FGF14: variants seen among roughly 807,000 people sequenced by gnomAD.
The protein encoded by FGF14 is fibroblast growth factor homologous factor 4.
FGF14 carries 5 observed loss-of-function variants against 25.5 expected under a neutral mutation model. The ratio of observed to expected loss-of-function variants is 0.20; its 90% CI spans 0.10 to 0.41. FGF14 has a LOEUF of 0.41. FGF14 is among the 10% of genes least tolerant of loss of function. FGF14 has a pLI of 1.00. For missense variants in FGF14, 222 were observed against 320.1 expected (o/e 0.69, Z 2.34); for synonymous variants, 138 against 118.3 (o/e 1.17, Z -1.08).
chr13:101,788,546 T>C (rs1478017278), intron 3 of FGF14, among the ~76,000 whole-genome samples: 1 of 152,112 alleles, frequency 6.6e-6, no homozygotes, highest in East Asian at 1.9e-4. Flanking sequence ...AAGCATGTTG[T>C]TGTAAGAGAG....
Position 102,113,703 on chromosome 13 carries a change from T to G in FGF14, c.209-238407A>C, listed in dbSNP as rs547127032. ...CTGTGTAGCTACATTTGAGAACCAC[T>G]GGTCAAAGGGTTGGGACATGACCCT... On this transcript the variant is annotated intron_variant, in intron 1 of 4. Coordinates refer to the FGF14 transcript ENST00000376131. Among the ~76,000 whole-genome samples, 306 of 152,292 alleles carry G rather than the reference T, an allele frequency of 2.0e-3. 1 individual carries two copies. Among genetic ancestry groups the G allele is most frequent in the African/African-American group, 7.1e-3 (296 of 41,568 alleles).
chr13:102,278,688 T>A (rs1566893888), intron 1 of FGF14, among the ~76,000 whole-genome samples: 1 of 150,850 alleles, frequency 6.6e-6, no homozygotes, highest in Non-Finnish European at 1.5e-5. Context: ...TTCATTAAGC[T>A]CCAGTGTATG....
At chr13:101,950,295 C>T (rs2139383760) in intron 1 of FGF14, among the ~76,000 whole-genome samples, 1 of 152,272 alleles carries the variant, frequency 6.6e-6, no homozygotes, top group Admixed American at 6.5e-5. Flanking sequence ...TTACATGTAG[C>T]TGAATGTATC....
intron 1 of FGF14, among the ~76,000 whole-genome samples, chr13:102,069,547 A>T (rs2043066542): frequency 6.6e-6 from 1 of 152,144 alleles, no homozygotes; most frequent in Non-Finnish European, 1.5e-5. Context: ...CACCAGGAAG[A>T]TCTGCAGCTT....
At chr13:102,129,051 A>G (rs1337850247) in intron 1 of FGF14, among the ~76,000 whole-genome samples, 1 of 152,086 alleles carries the variant, frequency 6.6e-6, no homozygotes, top group East Asian at 1.9e-4. Flanking sequence ...CTGGGCAACA[A>G]GAGTCAAACT....
intron 3 of FGF14, among the ~76,000 whole-genome samples, chr13:101,859,673 G>A (rs1359062869): frequency 2.6e-5 from 4 of 152,124 alleles, no homozygotes; most frequent in East Asian, 1.9e-4. Flanking sequence ...TAAGTAGGTC[G>A]TATGGTTTTG....
chr13:102,081,671 T>C (rs2043629677), intron 1 of FGF14, among the ~76,000 whole-genome samples: 1 of 152,226 alleles, frequency 6.6e-6, no homozygotes, highest in African/African-American at 2.4e-5. Flanking sequence ...TCATTAGTTA[T>C]ATAATTATCT....
At chr13:101,977,096 T>C (rs1199357791) in intron 1 of FGF14, among the ~76,000 whole-genome samples, 1 of 152,168 alleles carries the variant, frequency 6.6e-6, no homozygotes, top group African/African-American at 2.4e-5. Context: ...AAATCATGAA[T>C]AGATAGAAGA....
At chr13:102,278,099 C>T (rs1192745514) in intron 1 of FGF14, among the ~76,000 whole-genome samples, 1 of 152,160 alleles carries the variant, frequency 6.6e-6, no homozygotes, top group Non-Finnish European at 1.5e-5. Context: ...GGCTCTGCTA[C>T]CAGCTTCCAT....
At chr13:102,007,521 A>G (rs186085440) in intron 1 of FGF14, among the ~76,000 whole-genome samples, 1 of 152,340 alleles carries the variant, frequency 6.6e-6, no homozygotes, top group Non-Finnish European at 1.5e-5. Context: ...GTGAGCAACA[A>G]AGCATGAATC....
At chr13:102,100,485 A>T (rs889819707) in intron 1 of FGF14, among the ~76,000 whole-genome samples, 18 of 152,330 alleles carry the variant, frequency 1.2e-4, no homozygotes, top group Non-Finnish European at 2.4e-4. Flanking sequence ...CCGCTTGTCC[A>T]GCCAGCATGT....
intron 1 of FGF14, among the ~76,000 whole-genome samples, chr13:102,160,200 G>C (rs2047557758): frequency 6.6e-6 from 1 of 152,154 alleles, no homozygotes; most frequent in Non-Finnish European, 1.5e-5. Context: ...GACAGCACAT[G>C]ATGTGGAAGA....
chr13:101,846,880 A>G (rs2043491166), intron 3 of FGF14, among the ~76,000 whole-genome samples: 1 of 152,064 alleles, frequency 6.6e-6, no homozygotes, highest in African/African-American at 2.4e-5. Flanking sequence ...AGAGGAGCCA[A>G]GTCTGGCAGA....
At chr13:102,354,290 C>G (rs1357123367) in intron 1 of FGF14, 1 of 152,214 alleles carries the variant, frequency 6.6e-6, no homozygotes, top group African/African-American at 2.4e-5. Flanking sequence ...TATCTGATTG[C>G]TTCTTCTCAC....
chr13:101,887,280 T>C (rs377539126), intron 1 of FGF14, among the ~76,000 whole-genome samples: 138 of 151,772 alleles, frequency 9.1e-4, no homozygotes, highest in African/African-American at 3.2e-3. Flanking sequence ...CATCAATGGA[T>C]GAATGGACAA....
chr13:101,807,479 A>G (rs2041266038), intron 3 of FGF14, among the ~76,000 whole-genome samples: 1 of 152,110 alleles, frequency 6.6e-6, no homozygotes, highest in Admixed American at 6.6e-5. Flanking sequence ...TGATATATGT[A>G]TTCATTTACG....
At chr13:102,342,125 G>A (rs1220132568) in intron 1 of FGF14, among the ~76,000 whole-genome samples, 18 of 152,142 alleles carry the variant, frequency 1.2e-4, no homozygotes, top group African/African-American at 4.1e-4. Flanking sequence ...TTTAGATAAA[G>A]CCATAAGTTA....
At chr13:101,880,934 G>C (rs534257275) in intron 1 of FGF14, among the ~76,000 whole-genome samples, 5 of 152,288 alleles carry the variant, frequency 3.3e-5, no homozygotes, top group Non-Finnish European at 7.3e-5. Context: ...AAGCATGCTT[G>C]AGCTAAAGAT....
chr13:102,214,702 C>T (rs1028653744), intron 1 of FGF14, among the ~76,000 whole-genome samples: 4 of 152,248 alleles, frequency 2.6e-5, no homozygotes, highest in South Asian at 4.1e-4. Flanking sequence ...GGATCTCAAC[C>T]GGAAGAGATA....
Sources: gnomAD v4.1 joint callset for allele counts (sites outside exome capture counted in the v4.1 genomes callset) on GRCh38, gnomAD v4.1.1 for gene constraint, MANE v1.5 for transcripts, NCBI Gene and HGNC (gene_info 2026-07-23, HGNC 2026-07-21) for gene names.